The following ZNF560 variants were observed in gnomAD, a reference collection of about 807,000 sequenced individuals.
ZNF560 encodes the protein zinc finger protein 560.
Under a neutral mutation model 81.8 loss-of-function variants are expected in ZNF560, and 54 were observed. The observed-to-expected ratio is 0.66, with a 90% CI of 0.53 to 0.83. The LOEUF is 0.83. Ranked by LOEUF, ZNF560 falls within the 40% of genes least tolerant of loss-of-function variation. ZNF560 has a pLI of 0.00. For missense variants in ZNF560, 940 were observed against 932.4 expected (o/e 1.01, Z -0.11); for synonymous variants, 321 against 317.9 (o/e 1.01, Z -0.10).
At chr19:9,477,846 C>CT (rs2073226679) in intron 2 of ZNF560, among the ~76,000 whole-genome samples, 1 of 151,914 alleles carries the variant, frequency 6.6e-6, no homozygotes. Flanking sequence ...TGAAAACAGA[C>CT]TACTTAGAAA....
the ZNF560 span, among the ~76,000 whole-genome samples, chr19:9,457,651 C>A: frequency 6.6e-6 from 1 of 152,186 alleles, no homozygotes; most frequent in Admixed American, 6.5e-5. Context: ...GCAATTCAGA[C>A]TACTACTCCT....
intron 2 of ZNF560, among the ~76,000 whole-genome samples, chr19:9,482,869 T>G (rs914620710): frequency 4.6e-5 from 7 of 152,172 alleles, no homozygotes; most frequent in Admixed American, 4.6e-4. Flanking sequence ...TTTGCTGTGT[T>G]GGCCGGGCTG....
At chr19:9,485,498 C>G (rs2073370800) in intron 2 of ZNF560, among the ~76,000 whole-genome samples, 1 of 122,294 alleles carries the variant, frequency 8.2e-6, no homozygotes, top group South Asian at 3.2e-4. Flanking sequence ...CAGAGCAAGA[C>G]TACATCTCAA....
the ZNF560 span, among the ~76,000 whole-genome samples, chr19:9,461,127 A>G: frequency 6.6e-6 from 1 of 150,936 alleles, no homozygotes; most frequent in Non-Finnish European, 1.5e-5. Flanking sequence ...AGATTTGGGA[A>G]GGAAAATATA....
chr19:9,467,442 G>A lies in ZNF560; in HGVS notation c.1505C>T (p.Ser502Phe), dbSNP rs148887048. Residue 502 changes from serine to phenylalanine, a missense_variant, in exon 10 of 10, where the codon TCT becomes TTT. Coordinates refer to ENST00000301480, the MANE Select transcript of ZNF560 (RefSeq NM_152476.3). ...GTGAGTTCTCAAATGAGCAAAAAGA[G>A]ATGAGAAAGAAACAAAGACTTTCCC... is the stretch of plus-strand genomic sequence containing the variant. The part of the protein sequence containing the change: ...QCGKVFVSFS[S>F]LFAHLRTHTG... The A allele has an allele frequency of 1.9e-6, 3 of 1,613,760 alleles. No individual in the cohort carries two copies. Among genetic ancestry groups the A allele is most frequent in the East Asian group, 2.2e-5 (1 of 44,850 alleles).
downstream of ZNF560, among the ~76,000 whole-genome samples, chr19:9,464,286 T>C (rs1370802733): frequency 6.6e-6 from 1 of 152,172 alleles, no homozygotes; most frequent in Non-Finnish European, 1.5e-5. Flanking sequence ...ACCCCAGAAA[T>C]AGGTCATACT....
intron 5 of ZNF560, 134 bp downstream of exon 5, chr19:9,473,044 GC>G (rs1338928016): frequency 1.9e-5 from 14 of 740,892 alleles, no homozygotes; most frequent in Admixed American, 1.6e-4. Context: ...AGAATCGTGA[GC>G]CAAAATAAAC....
intron 2 of ZNF560, among the ~76,000 whole-genome samples, chr19:9,476,640 T>C (rs2073206894): frequency 6.6e-6 from 1 of 152,080 alleles, no homozygotes; most frequent in Non-Finnish European, 1.5e-5. Context: ...GCACCCAATC[T>C]CTCTCCTGCC....
At chr19:9,496,887 G>C (rs1194052907) in intron 2 of ZNF560, among the ~76,000 whole-genome samples, 5 of 151,782 alleles carry the variant, frequency 3.3e-5, no homozygotes, top group Non-Finnish European at 2.9e-5. Flanking sequence ...AGTAAGTCGA[G>C]ATCACACCAC....
downstream of ZNF560, among the ~76,000 whole-genome samples, chr19:9,462,120 T>C (rs1011225840): frequency 6.6e-6 from 1 of 152,188 alleles, no homozygotes; most frequent in African/African-American, 2.4e-5. Context: ...AAGGGGGACA[T>C]GCTGGGAATA....
Position 9,468,267 on chromosome 19 carries a change from G to A in ZNF560, c.680C>T (p.Pro227Leu), listed in dbSNP as rs145393846. 7 of 1,613,392 alleles carry A rather than the reference G, an allele frequency of 4.3e-6. No homozygotes were observed. The African/African-American group carries it at 8.0e-5, about 18-fold the overall frequency. ...KQCEDVFCKH[P>L]CLKTNMSTQN... ...AGTACTCATGTTGGTCTTAAGGCAT[G>A]GATGTTTACAGAAGACATCTTCACA... Residue 227 changes from proline to leucine, a missense_variant, in exon 10 of 10, where the codon CCA (proline) becomes CTA (leucine). Physicochemically the swap from Pro to Leu is moderately conservative, Grantham distance 98 (BLOSUM62 -3). Transcript: ENST00000301480.
chr19:9,484,912 G>C (rs10419744), intron 2 of ZNF560, among the ~76,000 whole-genome samples: 105,807 of 151,758 alleles, frequency 0.7, 38,466 homozygotes, highest in African/African-American at 0.91. Flanking sequence ...GGAAACATTA[G>C]AACTGTTAAC....
In ZNF560 at chr19:9,467,669, G is replaced by A. The variant is rs144505939; in HGVS notation, c.1278C>T (p.His426=). 95 of 1,613,974 alleles carry A rather than the reference G, an allele frequency of 5.9e-5. No individual in the cohort carries two copies. In the Middle Eastern group the frequency reaches 8.3e-4, roughly 14 times the overall value. Residue 426 remains histidine (H), a synonymous_variant, in exon 10 of 10, where the codon CAC becomes CAT. Coordinates refer to ENST00000301480, the MANE Select transcript of ZNF560 (RefSeq NM_152476.3). ...CACATTTAAAGGTTTTCTCTCTGGC[G>A]TGACATCTTATATGTTCAATAAGGC... ...SAGLIEHIRC[H]AREKTFKCDH...
Position 9,470,437 on chromosome 19 carries a change from A to G in ZNF560, c.403T>C (p.Tyr135His). 1.2e-6 allele frequency: 2 copies of G among 1,614,060 alleles called. No individual in the cohort carries two copies. The highest frequency in any genetic ancestry group is 8.5e-7 in the Non-Finnish European group (1 of 1,179,934). ...TAGTTCTCCAGCATCACATCACTGT[A>G]CAGGTTTCTCTGAGCTGGGTCCAGT... is the stretch of plus-strand genomic sequence containing the variant. ...TLLDPAQRNL[Y>H]SDVMLENYKN... is the part of the protein sequence containing the mutation. Residue 135 changes from tyrosine (Y) to histidine (H), a missense_variant, in exon 7 of 10, where the codon TAC becomes CAC. Tyr to His is a moderately conservative substitution (Grantham distance 83). Transcript: ENST00000301480.
the ZNF560 span, among the ~76,000 whole-genome samples, chr19:9,505,757 A>G: frequency 2.0e-5 from 3 of 151,666 alleles, no homozygotes; most frequent in East Asian, 3.9e-4. Flanking sequence ...CTTGCCTCCC[A>G]GGTTCAAGTG....
rs1306496430 is a variant in ZNF560 at position 9,470,500 on chromosome 19, T to A, written c.340A>T (p.Ser114Cys). The A allele has an allele frequency of 3.1e-6, 5 of 1,614,070 alleles. No homozygotes were observed. The highest frequency in any genetic ancestry group is 4.2e-6 in the Non-Finnish European group (5 of 1,180,036). ...TCCTGGGTGAACTCCACAGCCACAC[T>A]GTCAAAGGTTACCAGGTCCTAAACC... ...GIQMDLVTFD[S>C]VAVEFTQEEW... is the part of the protein sequence containing the mutation. Residue 114 changes from serine (S) to cysteine (C), a missense_variant, in exon 7 of 10, where the codon AGT (serine) becomes TGT (cysteine). Transcript: ENST00000301480.
chr19:9,469,586 T>C, intron 8 of ZNF560, 44 bp downstream of exon 8: 1 of 1,569,690 alleles, frequency 6.4e-7, no homozygotes, highest in African/African-American at 1.3e-5. Context: ...CCAAACGTAC[T>C]GAGAACTTCT....
At chr19:9,460,720 A>G in the ZNF560 span, among the ~76,000 whole-genome samples, 2 of 152,226 alleles carry the variant, frequency 1.3e-5, no homozygotes, top group Non-Finnish European at 1.5e-5. Flanking sequence ...AGTATTTACC[A>G]TAATGAATCT....
intron 2 of ZNF560, among the ~76,000 whole-genome samples, chr19:9,481,792 G>A (rs2144708400): frequency 6.6e-6 from 1 of 152,360 alleles, no homozygotes; most frequent in Non-Finnish European, 1.5e-5. Context: ...TGGAGAGGAT[G>A]TGGAGAAATA....
Sources: gnomAD v4.1 joint callset for allele counts (sites outside exome capture counted in the v4.1 genomes callset) on GRCh38, gnomAD v4.1.1 for gene constraint, MANE v1.5 for transcripts, NCBI Gene and HGNC (gene_info 2026-07-23, HGNC 2026-07-21) for gene names.